EGFR: variants seen among roughly 807,000 people sequenced by gnomAD.
The protein encoded by EGFR is epidermal growth factor receptor, also known as avian erythroblastic leukemia viral (v-erb-b) oncogene homolog.
Under a neutral mutation model 143.0 loss-of-function variants are expected in EGFR, and 58 were observed. The ratio of observed to expected loss-of-function variants is 0.41; its 90% confidence interval spans 0.33 to 0.50. EGFR has a LOEUF of 0.50. Among genes scored for constraint, EGFR ranks in the 20% least tolerant of loss-of-function variants. The pLI, the probability that EGFR is intolerant of heterozygous loss-of-function variation, is 0.39. For missense variants in EGFR, 1,307 were observed against 1,579.0 expected, an observed-to-expected ratio of 0.83 and a Z score of 2.92; for synonymous variants, 613 against 594.4, an observed-to-expected ratio of 1.03 and a Z score of -0.45.
At chr7:55,035,073 A>G (rs1298236961) in intron 1 of EGFR, among the ~76,000 whole-genome samples, 1 of 152,168 alleles carries the variant, frequency 6.6e-6, no homozygotes, top group Non-Finnish European at 1.5e-5. Flanking sequence ...TATGAAGGGA[A>G]GTGGCCTTCG....
intron 1 of EGFR, among the ~76,000 whole-genome samples, chr7:55,035,618 G>A (rs991060850): frequency 2.7e-5 from 4 of 150,460 alleles, no homozygotes; most frequent in Admixed American, 6.6e-5. Flanking sequence ...CCAGGAAGCA[G>A]AGGTTGCAGT....
chr7:55,198,885 C>G, intron 23 of EGFR, 22 bp downstream of exon 23: 1 of 1,613,752 alleles, frequency 6.2e-7, no homozygotes, highest in Non-Finnish European at 8.5e-7. Flanking sequence ...GTGGGTCTGT[C>G]CACACTGCCT....
At chr7:55,073,857 C>G (rs905551727) in intron 1 of EGFR, among the ~76,000 whole-genome samples, 1 of 152,222 alleles carries the variant, frequency 6.6e-6, no homozygotes, top group Non-Finnish European at 1.5e-5. Flanking sequence ...TATTTTTCTT[C>G]CAAGATTTTG....
intron 1 of EGFR, among the ~76,000 whole-genome samples, chr7:55,136,827 C>T (rs938213692): frequency 2.6e-5 from 4 of 152,226 alleles, no homozygotes; most frequent in African/African-American, 9.6e-5. Flanking sequence ...ATACAGTGGA[C>T]TGTGTCACCA....
At chr7:55,146,358 TC>T (rs1357040520) in intron 3 of EGFR, among the ~76,000 whole-genome samples, 1 of 152,002 alleles carries the variant, frequency 6.6e-6, no homozygotes, top group Non-Finnish European at 1.5e-5. Flanking sequence ...TCTTCCTTCC[TC>T]CCCATATTTC....
chr7:55,111,689 C>G (rs1218764865), intron 1 of EGFR, among the ~76,000 whole-genome samples: 2 of 152,152 alleles, frequency 1.3e-5, no homozygotes, highest in African/African-American at 4.8e-5. Flanking sequence ...CACAGGCGAG[C>G]ACCCACCTGA....
intron 3 of EGFR, among the ~76,000 whole-genome samples, chr7:55,145,858 A>G (rs1004043616): frequency 2.0e-5 from 3 of 152,134 alleles, no homozygotes; most frequent in African/African-American, 7.2e-5. Context: ...CAGCTCCCAG[A>G]TCGAAGCCAG....
chr7:55,160,481 TG>T (rs773505272), intron 12 of EGFR, 143 bp downstream of exon 12: 34 of 894,716 alleles, frequency 3.8e-5, no homozygotes, highest in Non-Finnish European at 5.5e-5. Context: ...GATTCCTAAC[TG>T]TGAAATTACC....
At chr7:55,145,495 A>G (rs1423241800) in intron 3 of EGFR, among the ~76,000 whole-genome samples, 1 of 152,190 alleles carries the variant, frequency 6.6e-6, no homozygotes. Context: ...TCCTGTCTGC[A>G]GGAAGCCTTC....
chr7:55,132,652 G>A (rs1248127539), intron 1 of EGFR, among the ~76,000 whole-genome samples: 3 of 151,524 alleles, frequency 2.0e-5, no homozygotes, highest in East Asian at 1.9e-4. Context: ...CCCAGTTCTC[G>A]AGCTGACTGA....
chr7:55,188,399 C>G (rs1250545117), intron 20 of EGFR, among the ~76,000 whole-genome samples: 1 of 152,194 alleles, frequency 6.6e-6, no homozygotes, highest in Non-Finnish European at 1.5e-5. Context: ...TCTGGGGTAC[C>G]CTGCCAGAAT....
At chr7:55,188,024 G>A (rs968233146) in intron 20 of EGFR, among the ~76,000 whole-genome samples, 1 of 152,228 alleles carries the variant, frequency 6.6e-6, no homozygotes, top group Non-Finnish European at 1.5e-5. Flanking sequence ...GCCCCCAGGG[G>A]AAGGGTGATG....
chr7:55,170,784 C>A (rs373533282), intron 15 of EGFR: 1 of 1,435,034 alleles, frequency 7.0e-7, no homozygotes, highest in Non-Finnish European at 9.1e-7. Context: ...ATGCTGCCAG[C>A]CTTCTCCGTA....
intron 1 of EGFR, among the ~76,000 whole-genome samples, chr7:55,085,479 G>A (rs1480842875): frequency 6.6e-6 from 1 of 152,304 alleles, no homozygotes; most frequent in East Asian, 1.9e-4. Context: ...TGTAGAGCCC[G>A]TTCCGTTGTC....
At chr7:55,021,811 G>C (rs1786582810) in intron 1 of EGFR, among the ~76,000 whole-genome samples, 1 of 152,170 alleles carries the variant, frequency 6.6e-6, no homozygotes, top group Admixed American at 6.5e-5. Flanking sequence ...AAGCATAAGA[G>C]GTGCACACTC....
At chr7:55,162,204 T>C (rs1785742825) in intron 13 of EGFR, among the ~76,000 whole-genome samples, 1 of 152,232 alleles carries the variant, frequency 6.6e-6, no homozygotes, top group Non-Finnish European at 1.5e-5. Flanking sequence ...AGGTTCTTGA[T>C]ATTGATGTAA....
At chr7:55,070,307 C>G (rs1196629570) in intron 1 of EGFR, among the ~76,000 whole-genome samples, 1 of 152,132 alleles carries the variant, frequency 6.6e-6, no homozygotes, top group Non-Finnish European at 1.5e-5. Flanking sequence ...AGTTCTGAGT[C>G]CCCTGGTATC....
rs1179634214 is a variant in EGFR, at chr7:55,201,500, A to G, written c.3114+145A>G. On this transcript the variant is annotated intron_variant, in intron 25 of 27. Coordinates refer to ENST00000275493, the MANE Select transcript of EGFR (RefSeq NM_005228.5). ...AATGGTAAAATCAAAATCAAAATAA[A>G]TTAAGTGTATTAATTATTTTGTTGC... 49 of 1,287,794 alleles carry G rather than the reference A, an allele frequency of 3.8e-5. 1 individual carries two copies. In the South Asian group the frequency reaches 6.5e-4, roughly 17 times the overall value. The allele number at this position is 1,287,794 out of a possible 1,614,324, so 79.8% of individuals were successfully genotyped here. A position where few individuals can be genotyped will look rare whatever the true frequency, so the allele number is the denominator to read the frequency against.
intron 1 of EGFR, among the ~76,000 whole-genome samples, chr7:55,042,867 G>A (rs1027643722): frequency 1.3e-5 from 2 of 152,138 alleles, no homozygotes; most frequent in Non-Finnish European, 2.9e-5. Context: ...CATTGCAAAT[G>A]ACTTCATGAG....
Sources: gnomAD v4.1 joint callset for allele counts (sites outside exome capture counted in the v4.1 genomes callset) on GRCh38, gnomAD v4.1.1 for gene constraint, MANE v1.5 for transcripts, NCBI Gene and HGNC (gene_info 2026-07-23, HGNC 2026-07-21) for gene names.